LIMCH1: variants seen among roughly 807,000 people sequenced by gnomAD.
The protein encoded by LIMCH1 is LIM and calponin homology domains 1.
LIMCH1 carries 113 observed loss-of-function variants against 176.5 expected under a neutral mutation model. The ratio of observed to expected loss-of-function variants is 0.64; its 90% CI spans 0.55 to 0.75. The LOEUF (loss-of-function observed/expected upper bound fraction) is 0.75. Ranked by LOEUF, LIMCH1 falls within the 30% of genes least tolerant of loss-of-function variation. LIMCH1 has a pLI of 0.00. For synonymous variants in LIMCH1, 619 were observed against 645.9 expected (o/e 0.96, Z 0.63); for missense variants, 1,674 against 1,814.9 (o/e 0.92, Z 1.41).
At chr4:41,498,582 A>C (rs2072634510) in intron 2 of LIMCH1, among the ~76,000 whole-genome samples, 1 of 152,242 alleles carries the variant, frequency 6.6e-6, no homozygotes, top group Admixed American at 6.5e-5. Context: ...AAAGTGTGAC[A>C]GAGCCACAAA....
chr4:41,631,777 A>G (rs990832904), intron 10 of LIMCH1, among the ~76,000 whole-genome samples: 1 of 152,144 alleles, frequency 6.6e-6, no homozygotes, highest in Non-Finnish European at 1.5e-5. Flanking sequence ...GAAAATACCA[A>G]ATGAGCTAAA....
At chr4:41,488,826 A>G (rs1372977906) in intron 1 of LIMCH1, among the ~76,000 whole-genome samples, 2 of 152,204 alleles carry the variant, frequency 1.3e-5, no homozygotes, top group Admixed American at 1.3e-4. Context: ...ATATCAGGGT[A>G]ATACTAACCT....
chr4:41,465,209 C>T (rs1407494801), intron 1 of LIMCH1, among the ~76,000 whole-genome samples: 3 of 152,248 alleles, frequency 2.0e-5, no homozygotes, highest in Admixed American at 1.3e-4. Context: ...TTTCTTCCCC[C>T]TGTGCTGCCA....
At chr4:41,393,223 G>C (rs987715105) in intron 1 of LIMCH1, among the ~76,000 whole-genome samples, 2 of 152,182 alleles carry the variant, frequency 1.3e-5, no homozygotes, top group Non-Finnish European at 2.9e-5. Context: ...TTGGCTGCCT[G>C]TTGTCTCTGG....
intron 2 of LIMCH1, among the ~76,000 whole-genome samples, chr4:41,522,845 A>G (rs867484608): frequency 3.9e-5 from 6 of 152,200 alleles, no homozygotes; most frequent in African/African-American, 9.7e-5. Flanking sequence ...GGTAAAACCA[A>G]TAAGTCCAAA....
At position 41,580,894 on chromosome 4, in the gene LIMCH1, A is replaced by G. The variant is rs545213938; in HGVS notation, c.-240-18026A>G. ...GACTTGTATAAACAAACTCATGGTAAGAGGTTTGAAAACCAGCAGAAAAGG... is the reference window on the plus strand; with the variant it reads ...GACTTGTATAAACAAACTCATGGTAGGAGGTTTGAAAACCAGCAGAAAAGG... On this transcript the variant is annotated intron_variant, in intron 1 of 31. Transcript: ENST00000503057. Among the ~76,000 whole-genome samples, 67 of 152,358 alleles carry G rather than the reference A, an allele frequency of 4.4e-4. 1 individual carries two copies. The highest frequency in any genetic ancestry group is 1.5e-3 in the African/African-American group (64 of 41,580).
At position 41,603,906 on chromosome 4, in the gene LIMCH1, G is replaced by T; in HGVS notation, c.-103+1G>T. 6.2e-7 allele frequency: 1 copy of T among 1,607,402 alleles called. No homozygotes were observed. The highest frequency in any genetic ancestry group is 8.5e-7 in the Non-Finnish European group (1 of 1,174,784). ...TGATTATAGTAGGAAGCTGAAAAATGTAAGTGTTTTAACTTCCAAACTTGT... is the reference window on the plus strand; with the variant it reads ...TGATTATAGTAGGAAGCTGAAAAATTTAAGTGTTTTAACTTCCAAACTTGT... On this transcript the variant is annotated splice_donor_variant, in intron 3 of 31. Coordinates refer to ENST00000503057, the MANE Select transcript of LIMCH1 (RefSeq NM_001330672.2). LOFTEE classifies it low-confidence loss of function (5UTR_SPLICE).
intron 2 of LIMCH1, among the ~76,000 whole-genome samples, chr4:41,601,360 T>G (rs1442352561): frequency 1.3e-5 from 2 of 152,094 alleles, no homozygotes; most frequent in African/African-American, 2.4e-5. Flanking sequence ...TGGTTGAGGG[T>G]GGCTTCTCTG....
At chr4:41,509,431 G>A (rs2074575183) in intron 2 of LIMCH1, among the ~76,000 whole-genome samples, 3 of 152,158 alleles carry the variant, frequency 2.0e-5, no homozygotes, top group Admixed American at 2.0e-4. Flanking sequence ...TTCCATTACT[G>A]ATTTTGGCCT....
At chr4:41,625,523 A>G (rs1462883566) in intron 7 of LIMCH1, among the ~76,000 whole-genome samples, 5 of 152,236 alleles carry the variant, frequency 3.3e-5, no homozygotes, top group Admixed American at 1.3e-4. Context: ...TGAATTTAAA[A>G]GACTCAAGCA....
chr4:41,630,803 C>G (rs943901912), intron 9 of LIMCH1, among the ~76,000 whole-genome samples: 1 of 152,150 alleles, frequency 6.6e-6, no homozygotes, highest in Non-Finnish European at 1.5e-5. Flanking sequence ...TATGCACATC[C>G]TCCCATATAC....
At chr4:41,491,429 C>T (rs566825501) in intron 1 of LIMCH1, among the ~76,000 whole-genome samples, 28 of 146,078 alleles carry the variant, frequency 1.9e-4, no homozygotes, top group East Asian at 1.3e-3. Context: ...GAAGGGCGGC[C>T]GGGCAGAGGT....
intron 1 of LIMCH1, among the ~76,000 whole-genome samples, chr4:41,483,652 C>G (rs371665477): frequency 6.6e-6 from 1 of 152,172 alleles, no homozygotes; most frequent in African/African-American, 2.4e-5. Flanking sequence ...CCCCACCTGC[C>G]GGGAACCCTG....
chr4:41,451,911 A>G (rs912011937), intron 1 of LIMCH1, among the ~76,000 whole-genome samples: 2 of 152,060 alleles, frequency 1.3e-5, no homozygotes, highest in African/African-American at 4.8e-5. Context: ...AGATGTCTCC[A>G]TGCTGGGAAG....
chr4:41,643,048 G>A (rs1044124096), intron 14 of LIMCH1, among the ~76,000 whole-genome samples: 3 of 152,210 alleles, frequency 2.0e-5, no homozygotes, highest in Admixed American at 1.3e-4. Context: ...CAGGTTACAA[G>A]TACAGTTTTT....
intron 1 of LIMCH1, among the ~76,000 whole-genome samples, chr4:41,477,377 G>C (rs1295376641): frequency 6.6e-6 from 1 of 152,186 alleles, no homozygotes. Context: ...GCGTGGTTTA[G>C]CAAAGAGAGC....
chr4:41,432,711 G>C (rs186072290), intron 1 of LIMCH1, among the ~76,000 whole-genome samples: 14 of 152,126 alleles, frequency 9.2e-5, no homozygotes, highest in African/African-American at 2.7e-4. Flanking sequence ...TTTTTACTTT[G>C]AATTATGAGG....
chr4:41,369,956 G>A (rs1387556469), intron 1 of LIMCH1, among the ~76,000 whole-genome samples: 2 of 143,220 alleles, frequency 1.4e-5, no homozygotes, highest in Non-Finnish European at 3.0e-5. Context: ...GTGTGTGTGT[G>A]TGTTTTGTAG....
At chr4:41,361,946 A>G (rs1301511822) in intron 1 of LIMCH1, among the ~76,000 whole-genome samples, 4 of 152,124 alleles carry the variant, frequency 2.6e-5, no homozygotes, top group Non-Finnish European at 5.9e-5. Context: ...TTTGCCTGGT[A>G]GTTCAGAGGA....
Sources: allele counts gnomAD v4.1 joint callset (sites outside exome capture counted in the v4.1 genomes callset), GRCh38; gene constraint gnomAD v4.1.1; transcripts MANE v1.5; gene names NCBI Gene and HGNC (gene_info 2026-07-23, HGNC 2026-07-21).